Variants in CACNA2D3 observed in about 807,000 individuals in gnomAD.
CACNA2D3 encodes the protein voltage-dependent calcium channel subunit alpha-2/delta-3.
In CACNA2D3, 60 loss-of-function variants were observed where a neutral mutation model predicts 160.6. The ratio of observed to expected loss-of-function variants is 0.37; its 90% CI spans 0.30 to 0.46. CACNA2D3 has a LOEUF of 0.46. Among genes scored for constraint, CACNA2D3 ranks in the 20% least tolerant of loss-of-function variants. CACNA2D3 has a pLI of 1.00. For missense variants in CACNA2D3, 1,205 were observed against 1,365.0 expected (o/e 0.88, Z 1.85); for synonymous variants, 558 against 492.9 (o/e 1.13, Z -1.75).
Position 54,286,708 on chromosome 3 carries a change from G to A in CACNA2D3, c.205-33734G>A, listed in dbSNP as rs372857378. On this transcript the variant is annotated intron_variant, in intron 2 of 37. Coordinates refer to ENST00000474759, the MANE Select transcript of CACNA2D3 (RefSeq NM_018398.3). ...GGTCAGGTTACCCACAAAGGGAAGC[G>A]CATCAGACTAACCGGATCTCTCGGC... is the stretch of plus-strand genomic sequence containing the variant. 1.4e-4 allele frequency among the ~76,000 whole-genome samples: 22 copies of A among 152,300 alleles called. 1 individual carries two copies. Among genetic ancestry groups the A allele is most frequent in the Non-Finnish European group, 2.1e-4 (14 of 68,030 alleles).
intron 9 of CACNA2D3, among the ~76,000 whole-genome samples, chr3:54,605,679 C>G (rs769720735): frequency 6.6e-6 from 1 of 152,130 alleles, no homozygotes; most frequent in Non-Finnish European, 1.5e-5. Context: ...TATGTAAGTT[C>G]TATGAGGCCA....
intron 2 of CACNA2D3, among the ~76,000 whole-genome samples, chr3:54,256,141 A>C (rs1484585377): frequency 6.6e-6 from 1 of 152,174 alleles, no homozygotes; most frequent in Non-Finnish European, 1.5e-5. Flanking sequence ...TTGAACCTGA[A>C]ATTGGTGACA....
At chr3:54,625,274 G>C (rs958562389) in intron 9 of CACNA2D3, among the ~76,000 whole-genome samples, 11 of 151,870 alleles carry the variant, frequency 7.2e-5, no homozygotes, top group African/African-American at 1.2e-4. Flanking sequence ...TGGCATACAA[G>C]GTGCTCAAAA....
At chr3:55,019,116 A>G (rs927197660) in intron 35 of CACNA2D3, among the ~76,000 whole-genome samples, 1 of 109,766 alleles carries the variant, frequency 9.1e-6, no homozygotes, top group Non-Finnish European at 1.7e-5. Flanking sequence ...TCTTTTTTTA[A>G]TAAGTCTAGT....
Position 54,736,034 on chromosome 3 carries a change from TG to T in CACNA2D3, c.1168-16564del, listed in dbSNP as rs1701500706. Among the ~76,000 whole-genome samples, 3 of 56,584 alleles carry T rather than the reference TG, an allele frequency of 5.3e-5. 1 individual carries two copies. Among genetic ancestry groups the T allele is most frequent in the East Asian group, 6.6e-4 (2 of 3,030 alleles). 37.1% of individuals were successfully genotyped at this position (56,584 alleles called of 152,430 possible). A position where few individuals can be genotyped will look rare whatever the true frequency, so the allele number is the denominator to read the frequency against. On this transcript the variant is annotated intron_variant, in intron 11 of 37. Transcript: ENST00000474759. ...ATATATATACACATACATATATATA[TG>T]TATATATATACACATACATATGTAT...
chr3:54,326,125 G>C (rs909419782), intron 3 of CACNA2D3, among the ~76,000 whole-genome samples: 2 of 152,114 alleles, frequency 1.3e-5, no homozygotes, highest in African/African-American at 2.4e-5. Flanking sequence ...CACCGATAGG[G>C]GTTTATCTGG....
chr3:54,285,884 A>G lies in CACNA2D3; in HGVS notation c.205-34558A>G, dbSNP rs572842816. 3.2e-3 allele frequency among the ~76,000 whole-genome samples: 495 copies of G among 152,344 alleles called. 1 individual carries two copies. Among genetic ancestry groups the G allele is most frequent in the South Asian group, 0.011 (51 of 4,824 alleles). The stretch of plus-strand genomic sequence containing the variant: ...GCTGAGGGTCCTGTCTGGTAGAAGG[A>G]AAACTAACAAACAGAAAGGACATCC... On this transcript the variant is annotated intron_variant, in intron 2 of 37. Coordinates refer to ENST00000474759, the MANE Select transcript of CACNA2D3 (RefSeq NM_018398.3).
intron 3 of CACNA2D3, among the ~76,000 whole-genome samples, chr3:54,382,603 T>C (rs1473030907): frequency 6.6e-6 from 1 of 152,130 alleles, no homozygotes; most frequent in Non-Finnish European, 1.5e-5. Flanking sequence ...GCCAACATGG[T>C]GAAACCCCAT....
At chr3:54,736,018 C>CACACACACACACACACACAG (rs1701497607) in intron 11 of CACNA2D3, among the ~76,000 whole-genome samples, 10 of 80,910 alleles carry the variant, frequency 1.2e-4, no homozygotes, top group Non-Finnish European at 1.4e-4. Context: ...TATATATATA[C>CACACACACACACACACACAG]ACATACATAT....
At chr3:54,761,134 G>A (rs1702072730) in intron 12 of CACNA2D3, among the ~76,000 whole-genome samples, 1 of 152,018 alleles carries the variant, frequency 6.6e-6, no homozygotes, top group East Asian at 1.9e-4. Context: ...TTCTTCCCTT[G>A]GCACTGTTTT....
At chr3:55,000,257 A>G (rs1702951252) in intron 31 of CACNA2D3, among the ~76,000 whole-genome samples, 1 of 152,212 alleles carries the variant, frequency 6.6e-6, no homozygotes, top group Non-Finnish European at 1.5e-5. Flanking sequence ...AAACAGTAAC[A>G]AAGTCACTTC....
intron 12 of CACNA2D3, among the ~76,000 whole-genome samples, chr3:54,760,989 C>T (rs934256730): frequency 3.3e-5 from 5 of 152,080 alleles, no homozygotes; most frequent in Non-Finnish European, 2.9e-5. Context: ...TCTTTCAGAA[C>T]CTTGGCTATG....
intron 2 of CACNA2D3, among the ~76,000 whole-genome samples, chr3:54,289,355 A>T (rs375739433): frequency 1.3e-5 from 2 of 152,044 alleles, no homozygotes; most frequent in African/African-American, 4.8e-5. Context: ...TACAAGGGAC[A>T]TGAAGGACCT....
chr3:54,437,848 C>G (rs1211104406), intron 4 of CACNA2D3, among the ~76,000 whole-genome samples: 1 of 152,164 alleles, frequency 6.6e-6, no homozygotes, highest in Admixed American at 6.5e-5. Flanking sequence ...ACACTGCAGT[C>G]AGGTAACAAG....
chr3:54,278,143 A>G (rs1025448038), intron 2 of CACNA2D3, among the ~76,000 whole-genome samples: 1 of 152,246 alleles, frequency 6.6e-6, no homozygotes, highest in Non-Finnish European at 1.5e-5. Flanking sequence ...AAACAAATTT[A>G]CTAGAAAAAA....
intron 11 of CACNA2D3, among the ~76,000 whole-genome samples, chr3:54,703,724 C>A (rs1700808077): frequency 6.6e-6 from 1 of 152,178 alleles, no homozygotes; most frequent in South Asian, 2.1e-4. Flanking sequence ...TACCTTCACA[C>A]TGATGTTGTA....
At chr3:54,141,999 C>T (rs1225558654) in intron 2 of CACNA2D3, among the ~76,000 whole-genome samples, 3 of 152,176 alleles carry the variant, frequency 2.0e-5, no homozygotes, top group African/African-American at 4.8e-5. Context: ...ATGCAAGTCT[C>T]CTTGCAGTTC....
intron 4 of CACNA2D3, among the ~76,000 whole-genome samples, chr3:54,470,181 GAA>G (rs1457295806): frequency 6.6e-6 from 1 of 152,220 alleles, no homozygotes; most frequent in Non-Finnish European, 1.5e-5. Flanking sequence ...CAGCCAGAGA[GAA>G]AGGTTGGGTT....
chr3:54,504,130 A>G (rs1339731120), intron 5 of CACNA2D3, among the ~76,000 whole-genome samples: 1 of 152,160 alleles, frequency 6.6e-6, no homozygotes, highest in Non-Finnish European at 1.5e-5. Flanking sequence ...AATGGCATTT[A>G]AGGGCTGGAG....
Sources: gnomAD v4.1 joint callset for allele counts (sites outside exome capture counted in the v4.1 genomes callset) on GRCh38, gnomAD v4.1.1 for gene constraint, MANE v1.5 for transcripts, NCBI Gene and HGNC (gene_info 2026-07-23, HGNC 2026-07-21) for gene names.